DLGAP4: variants seen among roughly 807,000 people sequenced by gnomAD.
DLGAP4 encodes the protein disks large-associated protein 4.
A neutral mutation model predicts 86.9 loss-of-function variants in DLGAP4; 18 were observed. The observed-to-expected ratio is 0.21, with a 90% CI of 0.14 to 0.31. The LOEUF (loss-of-function observed/expected upper bound fraction) is 0.31. Among genes scored for constraint, DLGAP4 ranks in the 10% least tolerant of loss-of-function variants. DLGAP4 has a pLI of 1.00. For missense variants in DLGAP4, 1,085 were observed against 1,362.6 expected (o/e 0.80, Z 3.21); for synonymous variants, 548 against 574.3 (o/e 0.95, Z 0.65).
rs1159942175 is a variant in DLGAP4 at position 36,431,792 on chromosome 20, A to G, written c.75A>G (p.Ala25=). ...ACCCACCCCACGAGCCCCTGTTTGC[A>G]GGGACCGACCGCAACCCCTACCTGC... is the stretch of plus-strand genomic sequence containing the variant. ...SLDPPHEPLF[A]GTDRNPYLLS... is the part of the protein sequence containing the mutation. Residue 25 remains alanine (A), a synonymous_variant, in exon 3 of 13, where the codon GCA becomes GCG. Coordinates refer to ENST00000339266, the MANE Select transcript of DLGAP4 (RefSeq NM_001365621.2). This position sits in a 1 kb window ranked among gnomAD's most constrained non-coding sequence, Gnocchi z 5.1. The G allele has an allele frequency of 1.7e-5, 27 of 1,613,296 alleles. No homozygotes were observed. The highest frequency in any genetic ancestry group is 2.2e-5 in the Non-Finnish European group (26 of 1,179,802).
At chr20:36,526,213 T>C in intron 12 of DLGAP4, 1 of 692,322 alleles carries the variant, frequency 1.4e-6, no homozygotes, top group South Asian at 1.7e-5. Flanking sequence ...CCCTGAAGCA[T>C]GTGTCCTGCC....
At position 36,433,196 on chromosome 20, in the gene DLGAP4, A is replaced by C. The variant is rs558005055; in HGVS notation, c.999+480A>C. ...GGGGTAGATGGACAGATGGACAATT[A>C]AATGAACAGAGTCAGAAATAAAGAA... On this transcript the variant is annotated intron_variant, in intron 3 of 12. Coordinates refer to ENST00000339266, the MANE Select transcript of DLGAP4 (RefSeq NM_001365621.2). Among the ~76,000 whole-genome samples, 27 of 152,368 alleles carry C rather than the reference A, an allele frequency of 1.8e-4. No individual in the cohort carries two copies. The South Asian group carries it at 5.6e-3, about 32-fold the overall frequency.
chr20:36,411,038 T>C (rs1275665606), intron 2 of DLGAP4, among the ~76,000 whole-genome samples: 1 of 152,198 alleles, frequency 6.6e-6, no homozygotes, highest in Admixed American at 6.5e-5. Context: ...TTGCCCAGGC[T>C]GGAATGCAGT....
rs758799250 is a variant in DLGAP4, at chr20:36,500,421, G to A, written c.2322G>A (p.Ala774=). The change falls in exon 10 of 13, where the codon GCG becomes GCA. Residue 774 remains alanine (A), a synonymous_variant. Coordinates refer to ENST00000339266, the MANE Select transcript of DLGAP4 (RefSeq NM_001365621.2). This position sits in a 1 kb window ranked among gnomAD's most constrained non-coding sequence, Gnocchi z 4.6. ...ACAACAGCGACCCTGCCCTAGAGGC[G>A]TCCTCGCTGCCCCCACCCGACCCCT... is the stretch of plus-strand genomic sequence containing the variant. ...YGDNSDPALE[A]SSLPPPDPWL... 30 of 1,578,054 alleles carry A rather than the reference G, an allele frequency of 1.9e-5. No individual in the cohort carries two copies. Among genetic ancestry groups the A allele is most frequent in the Admixed American group, 7.1e-5 (4 of 56,302 alleles).
At chr20:36,320,463 G>C (rs1423370894) in intron 1 of DLGAP4, among the ~76,000 whole-genome samples, 1 of 152,096 alleles carries the variant, frequency 6.6e-6, no homozygotes. Context: ...CCCTCTGCCA[G>C]GGCAGGTGGC....
intron 2 of DLGAP4, among the ~76,000 whole-genome samples, chr20:36,386,896 C>CT (rs1345626054): frequency 6.6e-5 from 10 of 152,206 alleles, no homozygotes; most frequent in African/African-American, 2.4e-4. Flanking sequence ...TTGCATTTTT[C>CT]TTTTTTCACT....
chr20:36,487,819 T>TA (rs1227090054), intron 7 of DLGAP4, among the ~76,000 whole-genome samples: 1 of 152,126 alleles, frequency 6.6e-6, no homozygotes, highest in African/African-American at 2.4e-5. Flanking sequence ...GATCAAAAAA[T>TA]ACCTCATGCC....
chr20:36,423,829 G>A (rs966635096), intron 2 of DLGAP4, among the ~76,000 whole-genome samples: 13 of 151,446 alleles, frequency 8.6e-5, no homozygotes, highest in East Asian at 3.9e-4. Flanking sequence ...GCACGGTGGC[G>A]CTCACCTGTA....
At chr20:36,423,331 CTG>C (rs2032881182) in intron 2 of DLGAP4, among the ~76,000 whole-genome samples, 1 of 151,688 alleles carries the variant, frequency 6.6e-6, no homozygotes, top group African/African-American at 2.4e-5. Flanking sequence ...TGGCAGGCAA[CTG>C]TAATCCCAGC....
intron 2 of DLGAP4, among the ~76,000 whole-genome samples, chr20:36,377,334 C>T (rs545528095): frequency 2.6e-5 from 4 of 152,290 alleles, no homozygotes; most frequent in African/African-American, 9.6e-5. Flanking sequence ...AGGTCCTTTC[C>T]AGCCCAGAGA....
chr20:36,351,927 G>A (rs1194252742), intron 1 of DLGAP4, among the ~76,000 whole-genome samples: 3 of 152,138 alleles, frequency 2.0e-5, no homozygotes, highest in Non-Finnish European at 2.9e-5. Flanking sequence ...GTGATGTGCT[G>A]CCGGCCGGGT....
At chr20:36,337,824 G>A (rs1455685387) in intron 1 of DLGAP4, among the ~76,000 whole-genome samples, 1 of 152,178 alleles carries the variant, frequency 6.6e-6, no homozygotes, top group Non-Finnish European at 1.5e-5. Flanking sequence ...TGGGATTGGT[G>A]GTATGCCTGT....
chr20:36,489,207 C>G (rs542325974), intron 7 of DLGAP4, among the ~76,000 whole-genome samples: 4 of 152,138 alleles, frequency 2.6e-5, no homozygotes, highest in Non-Finnish European at 5.9e-5. Context: ...CACATGTCTG[C>G]GAGCCCCTTA....
intron 1 of DLGAP4, among the ~76,000 whole-genome samples, chr20:36,346,157 C>T (rs1250650691): frequency 3.3e-5 from 5 of 152,306 alleles, no homozygotes; most frequent in South Asian, 2.1e-4. Flanking sequence ...GGACTTGATG[C>T]GAATCCCTGG....
chr20:36,377,472 C>T (rs1030815101), intron 2 of DLGAP4, among the ~76,000 whole-genome samples: 6 of 152,182 alleles, frequency 3.9e-5, no homozygotes, highest in African/African-American at 7.2e-5. Flanking sequence ...AAGTGCTTAA[C>T]CCAGATTTGG....
At chr20:36,446,094 T>A (rs1264962382) in intron 6 of DLGAP4, among the ~76,000 whole-genome samples, 1 of 152,190 alleles carries the variant, frequency 6.6e-6, no homozygotes, top group Non-Finnish European at 1.5e-5. Context: ...TCACTCCAGT[T>A]TTTTGCTTCA....
chr20:36,369,443 A>C (rs1364785795), intron 2 of DLGAP4, among the ~76,000 whole-genome samples: 1 of 152,100 alleles, frequency 6.6e-6, no homozygotes, highest in Non-Finnish European at 1.5e-5. Flanking sequence ...AAATACAAAA[A>C]TTAGCCAGGT....
intron 1 of DLGAP4, among the ~76,000 whole-genome samples, chr20:36,331,483 C>G (rs1042127789): frequency 1.3e-5 from 2 of 152,202 alleles, no homozygotes; most frequent in African/African-American, 4.8e-5. Context: ...GCATTAGGAG[C>G]CAGGCAGGGG....
intron 2 of DLGAP4, among the ~76,000 whole-genome samples, chr20:36,405,989 C>T (rs561029898): frequency 3.9e-5 from 6 of 152,268 alleles, no homozygotes; most frequent in Non-Finnish European, 5.9e-5. Flanking sequence ...TCTGGAGCTG[C>T]GGGCTCCAAC....
Sources: gnomAD v4.1 joint callset for allele counts (sites outside exome capture counted in the v4.1 genomes callset) on GRCh38, gnomAD v4.1.1 for gene constraint, Gnocchi (gnomAD v3.1) non-coding constraint, MANE v1.5 for transcripts, NCBI Gene and HGNC (gene_info 2026-07-23, HGNC 2026-07-21) for gene names.